The following PRKG1 variants were observed in gnomAD, a reference collection of about 807,000 sequenced individuals.
PRKG1 encodes cGMP-dependent protein kinase 1.
A neutral mutation model predicts 88.1 loss-of-function variants in PRKG1; 35 were observed. The observed-to-expected ratio is 0.40, with a 90% CI of 0.30 to 0.53. The LOEUF (loss-of-function observed/expected upper bound fraction) is 0.53, where lower values mean the gene tolerates loss of function less well. PRKG1 is among the 20% of genes least tolerant of loss of function. The pLI is 0.59. For missense variants in PRKG1, 540 were observed against 839.8 expected, an observed-to-expected ratio of 0.64 and a Z score of 4.41; for synonymous variants, 303 against 292.5, an observed-to-expected ratio of 1.04 and a Z score of -0.37.
intron 5 of PRKG1, among the ~76,000 whole-genome samples, chr10:52,037,446 T>G (rs1171435062): frequency 7.4e-6 from 1 of 135,988 alleles, no homozygotes; most frequent in South Asian, 2.4e-4. Flanking sequence ...ATTTAATGTC[T>G]GGAGCAGATT....
At chr10:51,335,388 G>A (rs61852109) in intron 2 of PRKG1, among the ~76,000 whole-genome samples, 9,874 of 152,012 alleles carry the variant, frequency 0.065, 443 homozygotes, top group Middle Eastern at 0.12. Context: ...CCAGACCTAG[G>A]AATCTAAGAA....
In PRKG1 at chr10:51,324,874, G is replaced by T. The variant is rs192053247; in HGVS notation, c.479-142849G>T. Among the ~76,000 whole-genome samples, 331 of 152,236 alleles carry T rather than the reference G, an allele frequency of 2.2e-3. 6 individuals are homozygous for T. Among genetic ancestry groups the T allele is most frequent in the East Asian group, 1.4e-3 (7 of 5,182 alleles). On this transcript the variant is annotated intron_variant, in intron 2 of 17. Transcript: ENST00000373980. ...GTAAACATGGGAGTGCAGATATCAC[G>T]TTCATGTACTGATTTCCTTTCAGCA...
chr10:51,185,235 G>C (rs1039294945), intron 2 of PRKG1, among the ~76,000 whole-genome samples: 1 of 152,198 alleles, frequency 6.6e-6, no homozygotes, highest in East Asian at 1.9e-4. Context: ...ATGGGATGTT[G>C]TGAGAATTAA....
chr10:51,367,772 C>A (rs184119188), intron 2 of PRKG1, among the ~76,000 whole-genome samples: 50 of 152,086 alleles, frequency 3.3e-4, no homozygotes, highest in Non-Finnish European at 6.2e-4. Context: ...CAACTACTAA[C>A]ACAGTGTTTT....
At chr10:51,086,810 A>G (rs892773771) in intron 1 of PRKG1, among the ~76,000 whole-genome samples, 3 of 152,202 alleles carry the variant, frequency 2.0e-5, no homozygotes, top group Non-Finnish European at 1.5e-5. Context: ...GGTTCGTCTT[A>G]TCTTTTGGTG....
chr10:51,148,658 C>T (rs559943023), intron 1 of PRKG1, among the ~76,000 whole-genome samples: 6 of 152,158 alleles, frequency 3.9e-5, no homozygotes, highest in African/African-American at 1.4e-4. Flanking sequence ...TAATTCTCTC[C>T]TAATATGTAA....
At chr10:51,600,550 A>G (rs1838570878) in intron 3 of PRKG1, among the ~76,000 whole-genome samples, 1 of 150,502 alleles carries the variant, frequency 6.6e-6, no homozygotes, top group African/African-American at 2.5e-5. Flanking sequence ...AAAAGTAAAA[A>G]GAAGCAGGTA....
At chr10:52,275,285 T>C (rs568114054) in intron 12 of PRKG1, among the ~76,000 whole-genome samples, 2 of 152,160 alleles carry the variant, frequency 1.3e-5, no homozygotes, top group African/African-American at 4.8e-5. Flanking sequence ...GTTTTTCCAA[T>C]GCTATCTTCT....
intron 7 of PRKG1, among the ~76,000 whole-genome samples, chr10:52,125,005 C>G (rs1847899623): frequency 6.6e-6 from 1 of 152,124 alleles, no homozygotes; most frequent in African/African-American, 2.4e-5. Flanking sequence ...AAAGACTAGC[C>G]TGAGGCTCTT....
chr10:52,245,415 C>A (rs1027844561), intron 9 of PRKG1, among the ~76,000 whole-genome samples: 1 of 152,126 alleles, frequency 6.6e-6, no homozygotes, highest in East Asian at 1.9e-4. Flanking sequence ...TTGAAGAAAT[C>A]AGAGTTGGAA....
At chr10:51,328,182 G>C (rs1220757323) in intron 2 of PRKG1, among the ~76,000 whole-genome samples, 1 of 152,092 alleles carries the variant, frequency 6.6e-6, no homozygotes, top group African/African-American at 2.4e-5. Context: ...TTTTACTTTT[G>C]TGAGATAAGT....
rs75280561 is a variant in PRKG1 at position 51,437,054 on chromosome 10, A to G, written c.479-30669A>G. ...TAAGCTGGTTTGTTAGTCACATTCT[A>G]TCTTGTGGCGTCCTTGTTAGCCAAC... On this transcript the variant is annotated intron_variant, in intron 2 of 17. Transcript: ENST00000373980. Among the ~76,000 whole-genome samples, 627 of 151,926 alleles carry G rather than the reference A, an allele frequency of 4.1e-3. 3 individuals are homozygous for G. Among genetic ancestry groups the G allele is most frequent in the African/African-American group, 0.014 (589 of 41,448 alleles).
At chr10:52,188,081 T>C (rs1017387225) in intron 9 of PRKG1, among the ~76,000 whole-genome samples, 1 of 151,806 alleles carries the variant, frequency 6.6e-6, no homozygotes, top group African/African-American at 2.4e-5. Flanking sequence ...GTTTATTTAG[T>C]GGATGATGAC....
In PRKG1 at chr10:52,014,640, A is replaced by G. The variant is rs1421070171; in HGVS notation, c.763-39844A>G. Among the ~76,000 whole-genome samples, 4 of 152,216 alleles carry G rather than the reference A, an allele frequency of 2.6e-5. No individual in the cohort carries two copies. The East Asian group carries it at 7.7e-4, about 29-fold the overall frequency. On this transcript the variant is annotated intron_variant, in intron 5 of 17. Coordinates refer to ENST00000373980, the MANE Select transcript of PRKG1 (RefSeq NM_006258.4). ...CTTTCCAGCGTTAACTCAAATGTCCAAGTTTGAAGTATCATCTGAGATAAG... is the reference window on the plus strand; with the variant it reads ...CTTTCCAGCGTTAACTCAAATGTCCGAGTTTGAAGTATCATCTGAGATAAG...
chr10:51,442,922 A>T (rs1465803748), intron 2 of PRKG1, among the ~76,000 whole-genome samples: 1 of 152,026 alleles, frequency 6.6e-6, no homozygotes, highest in African/African-American at 2.4e-5. Context: ...TTTCAGTCAG[A>T]TGGCAACTAG....
chr10:51,314,185 G>A (rs570560081), intron 2 of PRKG1, among the ~76,000 whole-genome samples: 42 of 152,294 alleles, frequency 2.8e-4, no homozygotes, highest in South Asian at 2.7e-3. Context: ...ACACAGCAAC[G>A]TCATGGTACA....
At chr10:51,415,718 T>C (rs1588935606) in intron 2 of PRKG1, among the ~76,000 whole-genome samples, 1 of 152,066 alleles carries the variant, frequency 6.6e-6, no homozygotes, top group Non-Finnish European at 1.5e-5. Context: ...AACAAAAAAA[T>C]CCTTCCCGAC....
intron 3 of PRKG1, chr10:51,698,063 G>A (rs1232063769): frequency 1.2e-6 from 2 of 1,613,894 alleles, no homozygotes; most frequent in African/African-American, 2.7e-5. Context: ...TGAAATGCCT[G>A]GGACCTGTCT....
At chr10:51,482,244 C>G (rs1413548966) in intron 3 of PRKG1, among the ~76,000 whole-genome samples, 2 of 152,048 alleles carry the variant, frequency 1.3e-5, no homozygotes, top group Non-Finnish European at 2.9e-5. Context: ...GGTATTTTTA[C>G]CCTAAGTGAG....
Sources: gnomAD v4.1 joint callset for allele counts (sites outside exome capture counted in the v4.1 genomes callset) on GRCh38, gnomAD v4.1.1 for gene constraint, MANE v1.5 for transcripts, NCBI Gene and HGNC (gene_info 2026-07-23, HGNC 2026-07-21) for gene names.